ECPAS: variants seen among roughly 807,000 people sequenced by gnomAD.
The protein encoded by ECPAS is Ecm29 proteasome adaptor and scaffold, also known as proteasome adapter and scaffold protein ECM29.
ECPAS carries 70 observed loss-of-function variants against 255.1 expected under a neutral mutation model. That is an observed-to-expected ratio of 0.27 (90% CI 0.23 to 0.33). ECPAS has a LOEUF of 0.33. Among genes scored for constraint, ECPAS ranks in the 10% least tolerant of loss-of-function variants. The probability of loss-of-function intolerance (pLI) is 1.00; values close to 1 mark genes in which losing one functional copy is unlikely to be tolerated. For synonymous variants in ECPAS, 784 were observed against 775.0 expected, an observed-to-expected ratio of 1.01 and a Z score of -0.19; for missense variants, 1,817 against 2,206.4, an observed-to-expected ratio of 0.82 and a Z score of 3.54.
intron 22 of ECPAS, 111 bp from the exon 23 acceptor site, chr9:111,410,324 GT>G (rs1564525603): frequency 2.4e-6 from 2 of 825,864 alleles, no homozygotes; most frequent in Non-Finnish European, 3.7e-6. Context: ...AAATCAAAGT[GT>G]ACGATATCTT....
At chr9:111,371,488 C>T in intron 43 of ECPAS, 133 bp downstream of exon 43, 1 of 853,560 alleles carries the variant, frequency 1.2e-6, no homozygotes, top group Non-Finnish European at 1.9e-6. Context: ...TTACCCAAAG[C>T]TTCCACTGTC....
chr9:111,460,132 T>C (rs749207139), intron 2 of ECPAS, among the ~76,000 whole-genome samples: 1 of 152,170 alleles, frequency 6.6e-6, no homozygotes, highest in Non-Finnish European at 1.5e-5. Flanking sequence ...CATACAAAAA[T>C]TGGATTTATT....
At chr9:111,392,508 A>G (rs1253052608) in intron 28 of ECPAS, among the ~76,000 whole-genome samples, 1 of 152,176 alleles carries the variant, frequency 6.6e-6, no homozygotes, top group Admixed American at 6.5e-5. Context: ...GCCAACAGTA[A>G]TTACGGCATT....
intron 25 of ECPAS, among the ~76,000 whole-genome samples, chr9:111,395,149 CAG>C (rs1298267527): frequency 6.6e-6 from 1 of 152,228 alleles, no homozygotes; most frequent in Non-Finnish European, 1.5e-5. Context: ...CTCCAGTTCT[CAG>C]AGTCAGAATC....
intron 46 of ECPAS, among the ~76,000 whole-genome samples, chr9:111,366,845 GACTTTGT>G (rs1324818135): frequency 6.6e-6 from 1 of 152,156 alleles, no homozygotes; most frequent in African/African-American, 2.4e-5. Flanking sequence ...ACTTCAGCAT[GACTTTGT>G]ACTCAATCCC....
intron 1 of ECPAS, among the ~76,000 whole-genome samples, chr9:111,483,107 C>T (rs968151500): frequency 6.6e-6 from 1 of 152,188 alleles, no homozygotes; most frequent in Non-Finnish European, 1.5e-5. Flanking sequence ...ATAACTCAAC[C>T]AGCCGTCGGG....
chr9:111,456,360 A>G (rs1473892246), intron 2 of ECPAS, among the ~76,000 whole-genome samples: 1 of 152,214 alleles, frequency 6.6e-6, no homozygotes, highest in Non-Finnish European at 1.5e-5. Context: ...AAGGTCACAG[A>G]TTAATTAGCA....
intron 33 of ECPAS, 57 bp from the exon 34 acceptor site, chr9:111,384,626 T>C (rs1395848847): frequency 6.6e-7 from 1 of 1,516,246 alleles, no homozygotes; most frequent in Non-Finnish European, 9.1e-7. Flanking sequence ...TATCATCTAC[T>C]CTACAATTTG....
chr9:111,472,704 T>C (rs2098290341), intron 2 of ECPAS, among the ~76,000 whole-genome samples, 193 bp downstream of exon 2: 1 of 152,140 alleles, frequency 6.6e-6, no homozygotes, highest in South Asian at 2.1e-4. Context: ...TTTTTATGTT[T>C]AGCATTACAG....
intron 1 of ECPAS, among the ~76,000 whole-genome samples, chr9:111,481,357 T>A (rs561948440): frequency 6.6e-6 from 1 of 151,630 alleles, no homozygotes; most frequent in East Asian, 1.9e-4. Flanking sequence ...ATACAAAAAA[T>A]TAGCCGGGCG....
intron 39 of ECPAS, among the ~76,000 whole-genome samples, chr9:111,373,664 A>G (rs969358171): frequency 1.3e-4 from 20 of 152,236 alleles, no homozygotes; most frequent in Non-Finnish European, 2.5e-4. Flanking sequence ...CTAGAAGCCA[A>G]TCTAAGAAGA....
intron 4 of ECPAS, 44 bp downstream of exon 4, chr9:111,444,334 G>T: frequency 7.3e-7 from 1 of 1,373,350 alleles, no homozygotes; most frequent in South Asian, 1.2e-5. Flanking sequence ...TGTTAGGAAA[G>T]AAAATTTGCT....
intron 38 of ECPAS, 50 bp downstream of exon 38, chr9:111,375,063 G>T: frequency 7.5e-7 from 1 of 1,331,332 alleles, no homozygotes; most frequent in Non-Finnish European, 1.1e-6. Context: ...ATATCCTTAT[G>T]GCCAGAACTA....
In ECPAS at chr9:111,418,889, A is replaced by T. The variant is rs187899079; in HGVS notation, c.1560-883T>A. 1.4e-3 allele frequency among the ~76,000 whole-genome samples: 216 copies of T among 152,290 alleles called. 3 individuals are homozygous for T. Among genetic ancestry groups the T allele is most frequent in the African/African-American group, 4.4e-3 (184 of 41,562 alleles). On this transcript the variant is annotated intron_variant, in intron 16 of 49. Transcript: ENST00000684092. ...ACGTAAAAAAATTAAGAAGCAACAG[A>T]GCACCAGAATCAACATTAACAATCC...
rs545445763 is a variant in ECPAS, at chr9:111,430,486, C to G, written c.930+61G>C. On this transcript the variant is annotated intron_variant, in intron 9 of 49. Transcript: ENST00000684092. ...GAAACTAGAAGAAAATGTATAAATA[C>G]GCAGTTCATGTCAACAAACTACTTT... is the stretch of plus-strand genomic sequence containing the variant. 26 of 951,616 alleles carry G rather than the reference C, an allele frequency of 2.7e-5. No homozygotes were observed. The South Asian group carries it at 3.4e-4, about 12-fold the overall frequency. 58.9% of individuals were successfully genotyped at this position (951,616 alleles called of 1,614,324 possible).
chr9:111,448,256 G>A (rs1028976980), intron 3 of ECPAS, among the ~76,000 whole-genome samples: 9 of 151,882 alleles, frequency 5.9e-5, no homozygotes, highest in African/African-American at 1.9e-4. Flanking sequence ...AAAAATATGT[G>A]ACATTTCCAT....
chr9:111,384,788 A>G (rs2098145525), intron 33 of ECPAS, among the ~76,000 whole-genome samples: 1 of 152,248 alleles, frequency 6.6e-6, no homozygotes, highest in South Asian at 2.1e-4. Flanking sequence ...ACTGTAACCT[A>G]TTTTGACCTT....
intron 1 of ECPAS, among the ~76,000 whole-genome samples, chr9:111,478,370 T>G (rs949355655): frequency 1.3e-5 from 2 of 151,634 alleles, no homozygotes; most frequent in Non-Finnish European, 2.9e-5. Context: ...CTACTAAAAA[T>G]ACAAAAATAA....
At chr9:111,411,529 C>T (rs1196328974) in intron 21 of ECPAS, 3 of 184,870 alleles carry the variant, frequency 1.6e-5, no homozygotes, top group Non-Finnish European at 3.3e-5. Context: ...CAACAAAAGA[C>T]AATAAACAGA....
Sources: allele counts gnomAD v4.1 joint callset (sites outside exome capture counted in the v4.1 genomes callset), GRCh38; gene constraint gnomAD v4.1.1; transcripts MANE v1.5; gene names NCBI Gene and HGNC (gene_info 2026-07-23, HGNC 2026-07-21).